TAX1BP1: variants seen among roughly 807,000 people sequenced by gnomAD.
TAX1BP1 encodes the protein Tax1 binding protein 1.
In TAX1BP1, 62 loss-of-function variants were observed where a neutral mutation model predicts 97.7. The observed-to-expected ratio is 0.63, with a 90% CI of 0.52 to 0.78. TAX1BP1 has a LOEUF of 0.78. Among genes scored for constraint, TAX1BP1 ranks in the 30% least tolerant of loss-of-function variants. The pLI is 0.00. For missense variants in TAX1BP1, 867 were observed against 916.1 expected (o/e 0.95, Z 0.69); for synonymous variants, 340 against 304.2 (o/e 1.12, Z -1.23).
At chr7:27,788,286 G>A (rs779044876) in intron 8 of TAX1BP1, among the ~76,000 whole-genome samples, 16 of 152,080 alleles carry the variant, frequency 1.1e-4, no homozygotes, top group East Asian at 5.8e-4. Context: ...AATTTGTTTC[G>A]TTCTTGATAA....
chr7:27,741,877 A>G (rs916701395), intron 1 of TAX1BP1, among the ~76,000 whole-genome samples: 3 of 152,220 alleles, frequency 2.0e-5, no homozygotes, highest in African/African-American at 7.2e-5. Flanking sequence ...CAGGGTCACA[A>G]GACAATAGTG....
At chr7:27,777,047 C>T (rs973116037) in intron 5 of TAX1BP1, among the ~76,000 whole-genome samples, 2 of 151,866 alleles carry the variant, frequency 1.3e-5, no homozygotes, top group African/African-American at 4.8e-5. Context: ...CAATTTTCTT[C>T]TAGCTTCTTG....
At chr7:27,787,879 G>A (rs1789547847) in intron 8 of TAX1BP1, among the ~76,000 whole-genome samples, 1 of 151,932 alleles carries the variant, frequency 6.6e-6, no homozygotes, top group African/African-American at 2.4e-5. Context: ...TCTCCCTTAT[G>A]AACAAGTGCA....
chr7:27,819,299 A>C (rs1448312210), intron 15 of TAX1BP1, among the ~76,000 whole-genome samples: 1 of 152,192 alleles, frequency 6.6e-6, no homozygotes, highest in African/African-American at 2.4e-5. Context: ...AAATTGAAAG[A>C]AAATTAATGT....
Position 27,806,951 on chromosome 7 carries a change from C to T in TAX1BP1, c.1764+6861C>T, listed in dbSNP as rs551298317. Among the ~76,000 whole-genome samples the T allele has an allele frequency of 1.4e-4, 21 of 152,062 alleles. No individual in the cohort carries two copies. In the East Asian group the frequency reaches 3.9e-3, roughly 28 times the overall value. On this transcript the variant is annotated intron_variant, in intron 13 of 16. Coordinates refer to ENST00000396319, the MANE Select transcript of TAX1BP1 (RefSeq NM_006024.7). ...TTCAGGAATTTTAAATAATTTTCTT[C>T]CTATGGGTGTGGAAGAATTCTTTTT...
At chr7:27,792,829 G>A (rs550989653) in intron 9 of TAX1BP1, among the ~76,000 whole-genome samples, 3 of 152,160 alleles carry the variant, frequency 2.0e-5, no homozygotes, top group South Asian at 4.2e-4. Flanking sequence ...CAGGTGTGGT[G>A]GTGTGCAGCT....
chr7:27,752,267 A>G (rs567171155), intron 2 of TAX1BP1, among the ~76,000 whole-genome samples: 3 of 152,320 alleles, frequency 2.0e-5, no homozygotes, highest in African/African-American at 7.2e-5. Context: ...CACTCATTCT[A>G]TGGCATCTCA....
rs752488444 is a variant in TAX1BP1, at chr7:27,792,017, T to C, written c.1050T>C (p.Cys350=). Residue 350 remains cysteine, a synonymous_variant, in exon 9 of 17, where the codon TGT becomes TGC. Coordinates refer to ENST00000396319, the MANE Select transcript of TAX1BP1 (RefSeq NM_006024.7). ...LLTTSSKEDT[C]FLKEQLRKAE... The stretch of plus-strand genomic sequence containing the variant: ...TCTGCTTTCTTCAGGAAGATACTTG[T>C]TTTTTAAAGGAGCAACTTCGTAAAG... 1.2e-6 allele frequency: 2 copies of C among 1,613,972 alleles called. No homozygotes were observed. Among genetic ancestry groups the C allele is most frequent in the Non-Finnish European group, 1.7e-6 (2 of 1,179,942 alleles).
Position 27,780,531 on chromosome 7 carries a change from A to G in TAX1BP1, c.613-4632A>G, listed in dbSNP as rs571377481. On this transcript the variant is annotated intron_variant, in intron 5 of 16. Coordinates refer to ENST00000396319, the MANE Select transcript of TAX1BP1 (RefSeq NM_006024.7). ...CACAGTAGCTCTCAAGATAGCTGTT[A>G]TTGTTATCATAGCATTAGGTACCTG... Among the ~76,000 whole-genome samples the G allele has an allele frequency of 2.6e-5, 4 of 152,304 alleles. No homozygotes were observed. In the East Asian group the frequency reaches 7.7e-4, roughly 29 times the overall value.
At chr7:27,825,915 A>G (rs931320816) in intron 15 of TAX1BP1, among the ~76,000 whole-genome samples, 37 of 152,094 alleles carry the variant, frequency 2.4e-4, no homozygotes, top group African/African-American at 8.9e-4. Context: ...GACCTGCCCC[A>G]TTTTATCTTT....
intron 5 of TAX1BP1, among the ~76,000 whole-genome samples, chr7:27,778,692 G>A (rs756824294): frequency 3.9e-5 from 6 of 151,972 alleles, no homozygotes; most frequent in South Asian, 2.1e-4. Flanking sequence ...GTGAAACCTC[G>A]TCTCTACTAA....
intron 5 of TAX1BP1, among the ~76,000 whole-genome samples, chr7:27,777,088 G>A (rs929925228): frequency 4.0e-5 from 6 of 151,808 alleles, no homozygotes; most frequent in South Asian, 2.1e-4. Context: ...TTAAATGTCC[G>A]TTCATTAACT....
At chr7:27,761,585 A>G (rs1015785617) in intron 3 of TAX1BP1, among the ~76,000 whole-genome samples, 1 of 152,208 alleles carries the variant, frequency 6.6e-6, no homozygotes, top group Admixed American at 6.5e-5. Context: ...TCATAACGAT[A>G]TGTAGTCTTT....
At chr7:27,771,577 A>G (rs1259082070) in intron 5 of TAX1BP1, among the ~76,000 whole-genome samples, 8 of 152,012 alleles carry the variant, frequency 5.3e-5, no homozygotes, top group African/African-American at 1.9e-4. Context: ...TCCAGGTGAT[A>G]AAGGGGTTAA....
At chr7:27,825,655 C>CT (rs1791149572) in intron 15 of TAX1BP1, among the ~76,000 whole-genome samples, 1 of 152,090 alleles carries the variant, frequency 6.6e-6, no homozygotes, top group African/African-American at 2.4e-5. Flanking sequence ...TTACTTCTAC[C>CT]TTTTTTCCCC....
intron 1 of TAX1BP1, among the ~76,000 whole-genome samples, chr7:27,744,187 T>G (rs950058879): frequency 6.6e-6 from 1 of 152,190 alleles, no homozygotes; most frequent in Non-Finnish European, 1.5e-5. Flanking sequence ...TGCAATGGCG[T>G]GATCTCAGCT....
intron 1 of TAX1BP1, among the ~76,000 whole-genome samples, chr7:27,741,435 A>G (rs1310289747): frequency 1.3e-5 from 2 of 149,104 alleles, no homozygotes; most frequent in Non-Finnish European, 1.5e-5. Context: ...GGTTTTATTT[A>G]TTTTTCAAAC....
chr7:27,764,218 T>G (rs1788535193), intron 3 of TAX1BP1, among the ~76,000 whole-genome samples: 2 of 152,242 alleles, frequency 1.3e-5, no homozygotes, highest in African/African-American at 4.8e-5. Context: ...TTACTGTTCT[T>G]TTTCTGTTCT....
intron 5 of TAX1BP1, among the ~76,000 whole-genome samples, chr7:27,776,452 G>A (rs189338054): frequency 6.6e-6 from 1 of 152,142 alleles, no homozygotes; most frequent in East Asian, 1.9e-4. Context: ...TTGTATTTGA[G>A]TATTTTAGAA....
Sources: allele counts gnomAD v4.1 joint callset (sites outside exome capture counted in the v4.1 genomes callset), GRCh38; gene constraint gnomAD v4.1.1; transcripts MANE v1.5; gene names NCBI Gene and HGNC (gene_info 2026-07-23, HGNC 2026-07-21).